ADAMTSL1: variants seen among roughly 807,000 people sequenced by gnomAD.
ADAMTSL1 encodes ADAMTS like 1, also known as ADAMTS-like protein 1.
ADAMTSL1 carries 126 observed loss-of-function variants against 201.8 expected under a neutral mutation model. That is an observed-to-expected ratio of 0.62 (90% CI 0.54 to 0.72). ADAMTSL1 has a LOEUF of 0.72. ADAMTSL1 is among the 30% of genes least tolerant of loss of function. ADAMTSL1 has a pLI of 0.00. For missense variants in ADAMTSL1, 2,679 were observed against 2,277.8 expected, an observed-to-expected ratio of 1.18 and a Z score of -3.59; for synonymous variants, 1,121 against 903.4, an observed-to-expected ratio of 1.24 and a Z score of -4.32.
chr9:18,172,241 C>T (rs1177038572), intron 2 of ADAMTSL1, among the ~76,000 whole-genome samples: 23 of 150,940 alleles, frequency 1.5e-4, no homozygotes, highest in Admixed American at 1.4e-3. Flanking sequence ...CAAACCTGCA[C>T]GTTCTACACA....
intron 1 of ADAMTSL1, among the ~76,000 whole-genome samples, chr9:18,059,922 G>C (rs1269308008): frequency 6.6e-6 from 1 of 151,862 alleles, no homozygotes; most frequent in Non-Finnish European, 1.5e-5. Flanking sequence ...CCTTAACAAA[G>C]TTTTCTTTAA....
At chr9:18,672,270 C>T (rs767816053) in intron 9 of ADAMTSL1, among the ~76,000 whole-genome samples, 6 of 151,488 alleles carry the variant, frequency 4.0e-5, no homozygotes, top group East Asian at 1.9e-4. Flanking sequence ...CTTGAAGTAA[C>T]GCATGGAATT....
At chr9:18,403,665 T>C (rs541009682) in intron 2 of ADAMTSL1, among the ~76,000 whole-genome samples, 1 of 152,340 alleles carries the variant, frequency 6.6e-6, no homozygotes, top group African/African-American at 2.4e-5. Flanking sequence ...AAGACATTGA[T>C]TACTTGGATG....
At chr9:18,013,732 T>A (rs1820145405) in intron 1 of ADAMTSL1, among the ~76,000 whole-genome samples, 1 of 152,034 alleles carries the variant, frequency 6.6e-6, no homozygotes, top group Non-Finnish European at 1.5e-5. Flanking sequence ...CAAGATGCCA[T>A]ACCTCTGTTA....
chr9:18,256,802 C>A (rs1157738729), intron 2 of ADAMTSL1, among the ~76,000 whole-genome samples: 2 of 152,186 alleles, frequency 1.3e-5, no homozygotes, highest in Non-Finnish European at 2.9e-5. Context: ...GTGACATCTC[C>A]CTGTCAGCAC....
At chr9:18,435,696 A>G (rs570747409) in intron 2 of ADAMTSL1, among the ~76,000 whole-genome samples, 5 of 152,354 alleles carry the variant, frequency 3.3e-5, no homozygotes, top group African/African-American at 1.2e-4. Flanking sequence ...TGATAAAGAC[A>G]TACCCAAGAT....
At chr9:18,374,442 C>A (rs76940826) in intron 2 of ADAMTSL1, among the ~76,000 whole-genome samples, 5,230 of 151,798 alleles carry the variant, frequency 0.034, 323 homozygotes, top group African/African-American at 0.12. Flanking sequence ...TGAGCGATCC[C>A]CCAACCTCAG....
chr9:17,959,719 G>C (rs1000837946), intron 1 of ADAMTSL1, among the ~76,000 whole-genome samples: 1 of 152,182 alleles, frequency 6.6e-6, no homozygotes, highest in Non-Finnish European at 1.5e-5. Context: ...GTCTCCCAAA[G>C]TGCTGGGATT....
chr9:18,385,331 T>G (rs1162775653), intron 2 of ADAMTSL1, among the ~76,000 whole-genome samples: 1 of 152,122 alleles, frequency 6.6e-6, no homozygotes, highest in Non-Finnish European at 1.5e-5. Flanking sequence ...TGTTGCCAAT[T>G]GCCAGACATC....
At chr9:18,066,314 G>A (rs1379260413) in intron 1 of ADAMTSL1, among the ~76,000 whole-genome samples, 1 of 152,148 alleles carries the variant, frequency 6.6e-6, no homozygotes, top group African/African-American at 2.4e-5. Flanking sequence ...TGGGATGCTA[G>A]CATCACCAGG....
At chr9:18,675,495 AATG>A (rs1446547144) in intron 9 of ADAMTSL1, among the ~76,000 whole-genome samples, 1 of 152,314 alleles carries the variant, frequency 6.6e-6, no homozygotes, top group Non-Finnish European at 1.5e-5. Context: ...TAACATGAAT[AATG>A]ATGATAATAA....
At chr9:18,472,414 C>T (rs1821251066), upstream of ADAMTSL1, among the ~76,000 whole-genome samples, 2 of 152,176 alleles carry the variant, frequency 1.3e-5, no homozygotes, top group Admixed American at 6.5e-5. Flanking sequence ...AGAATGGGCT[C>T]TCTTTGTTAT....
At chr9:18,850,187 T>C (rs1826398128) in intron 23 of ADAMTSL1, among the ~76,000 whole-genome samples, 2 of 152,178 alleles carry the variant, frequency 1.3e-5, no homozygotes, top group African/African-American at 2.4e-5. Flanking sequence ...TCACACTTGC[T>C]CCTGCCCTTT....
At chr9:18,237,085 G>T (rs1167493269) in intron 2 of ADAMTSL1, among the ~76,000 whole-genome samples, 1 of 152,174 alleles carries the variant, frequency 6.6e-6, no homozygotes, top group Non-Finnish European at 1.5e-5. Context: ...AGTGAAAATA[G>T]ATCCAGACAA....
At chr9:18,328,608 A>G (rs972259855) in intron 2 of ADAMTSL1, among the ~76,000 whole-genome samples, 2 of 152,338 alleles carry the variant, frequency 1.3e-5, no homozygotes, top group Middle Eastern at 6.8e-3. Context: ...TATGAAAACA[A>G]GCAGTCTGGC....
chr9:18,481,460 G>C lies in ADAMTSL1; in HGVS notation c.63+7165G>C, dbSNP rs567386859. Among the ~76,000 whole-genome samples, 6 of 151,400 alleles carry C rather than the reference G, an allele frequency of 4.0e-5. No individual in the cohort carries two copies. The East Asian group carries it at 1.2e-3, about 29-fold the overall frequency. On this transcript the variant is annotated intron_variant, in intron 1 of 28. Coordinates refer to ENST00000380548, the MANE Select transcript of ADAMTSL1 (RefSeq NM_001040272.6). Reference sequence around the variant, plus strand: ...CGGAGATTAAGTCACAATCTCTACAGTGAAGAGCTTGGAAGTGTGTTGGAC... The same window carrying C: ...CGGAGATTAAGTCACAATCTCTACACTGAAGAGCTTGGAAGTGTGTTGGAC...
intron 23 of ADAMTSL1, among the ~76,000 whole-genome samples, chr9:18,869,875 G>C (rs970628269): frequency 3.3e-5 from 5 of 151,954 alleles, no homozygotes; most frequent in Admixed American, 3.3e-4. Context: ...CTTCCAATAT[G>C]TTTTAGTTAT....
chr9:17,977,173 C>G (rs995163556), intron 1 of ADAMTSL1, among the ~76,000 whole-genome samples: 1 of 152,024 alleles, frequency 6.6e-6, no homozygotes, highest in African/African-American at 2.4e-5. Context: ...AGAGATGAAT[C>G]TCACTTGATC....
chr9:18,132,212 C>G (rs1257517631), intron 1 of ADAMTSL1, among the ~76,000 whole-genome samples: 1 of 152,164 alleles, frequency 6.6e-6, no homozygotes, highest in Non-Finnish European at 1.5e-5. Flanking sequence ...CCTGAGTCCA[C>G]ATGGTTTTCT....
Sources: gnomAD v4.1 joint callset for allele counts (sites outside exome capture counted in the v4.1 genomes callset) on GRCh38, gnomAD v4.1.1 for gene constraint, MANE v1.5 for transcripts, NCBI Gene and HGNC (gene_info 2026-07-23, HGNC 2026-07-21) for gene names.